Variants in MYO10 observed in about 807,000 individuals in gnomAD.
MYO10 encodes the protein unconventional myosin-X.
Under a neutral mutation model 257.3 loss-of-function variants are expected in MYO10, and 133 were observed. The observed-to-expected ratio is 0.52, with a 90% confidence interval of 0.45 to 0.60. The LOEUF (loss-of-function observed/expected upper bound fraction) is 0.60, where lower values mean the gene tolerates loss of function less well. MYO10 is among the 20% of genes least tolerant of loss of function. MYO10 has a pLI of 0.00. For synonymous variants in MYO10, 1,104 were observed against 1,028.6 expected (o/e 1.07, Z -1.40); for missense variants, 2,399 against 2,635.7 (o/e 0.91, Z 1.97).
At chr5:16,703,485 T>C (rs1159101881) in intron 22 of MYO10, among the ~76,000 whole-genome samples, 1 of 152,156 alleles carries the variant, frequency 6.6e-6, no homozygotes, top group Non-Finnish European at 1.5e-5. Context: ...CTCCTGTTCA[T>C]ATGAAAAAAA....
At chr5:16,833,312 C>A (rs986369910) in intron 2 of MYO10, among the ~76,000 whole-genome samples, 1 of 151,654 alleles carries the variant, frequency 6.6e-6, no homozygotes, top group Admixed American at 6.6e-5. Context: ...CTCCCAGGCT[C>A]AAATGATTCT....
At chr5:16,666,917 C>T (rs1736199964) in intron 40 of MYO10, 124 bp from the exon 41 acceptor site, 6 of 708,476 alleles carry the variant, frequency 8.5e-6, no homozygotes, top group South Asian at 5.7e-5. Context: ...CGACGGATCC[C>T]ATTTTGCAGG....
chr5:16,844,186 CA>C (rs1382942502), intron 2 of MYO10, among the ~76,000 whole-genome samples: 1 of 152,192 alleles, frequency 6.6e-6, no homozygotes, highest in African/African-American at 2.4e-5. Flanking sequence ...TCTCTCAAAT[CA>C]TATTACTAGA....
At chr5:16,771,533 ACTT>A in intron 9 of MYO10, among the ~76,000 whole-genome samples, 1 of 145,176 alleles carries the variant, frequency 6.9e-6, no homozygotes, top group South Asian at 2.2e-4. Flanking sequence ...AAATCTAGGA[ACTT>A]ACTATTATGA....
Position 16,663,053 on chromosome 5 carries a change from CTATA to C in MYO10, c.*3635_*3638del, listed in dbSNP as rs1736032642. On this transcript the variant is annotated 3_prime_UTR_variant, in exon 41 of 41. Transcript: ENST00000513610. The stretch of plus-strand genomic sequence containing the variant: ...TTTTTCCACAGAGCTATCTGAGGTA[CTATA>C]TAATCATCAAAAAGAATAAGGCAAT... The C allele has an allele frequency of 6.6e-6, 1 of 152,084 alleles. No homozygotes were observed. The highest frequency in any genetic ancestry group is 2.4e-5 in the African/African-American group (1 of 41,400). The allele number at this position is 152,084 out of a possible 1,614,324, so 9.4% of individuals were successfully genotyped here. A position where few individuals can be genotyped will look rare whatever the true frequency, so the allele number is the denominator to read the frequency against.
intron 1 of MYO10, among the ~76,000 whole-genome samples, chr5:16,894,586 T>C (rs937706722): frequency 2.0e-5 from 3 of 152,186 alleles, no homozygotes; most frequent in African/African-American, 7.2e-5. Context: ...TAATCAGAAA[T>C]GCTTCATGGA....
intron 19 of MYO10, among the ~76,000 whole-genome samples, chr5:16,745,870 C>T (rs533964133): frequency 6.6e-6 from 1 of 152,138 alleles, no homozygotes; most frequent in Admixed American, 6.5e-5. Flanking sequence ...TACATGCTCC[C>T]ATGTGGACAT....
Position 16,683,863 on chromosome 5 carries a change from G to C in MYO10, c.4046+17C>G, listed in dbSNP as rs1389157551. On this transcript the variant is annotated intron_variant, in intron 30 of 40. Transcript: ENST00000513610. ...AGGTGATGAGCTGTTTTTGTTAAGA[G>C]CCACATCTGAGCTTACCTATCAGGG... 1.2e-6 allele frequency: 2 copies of C among 1,613,278 alleles called. No homozygotes were observed. The highest frequency in any genetic ancestry group is 1.7e-6 in the Non-Finnish European group (2 of 1,179,546).
At chr5:16,738,123 G>A (rs902851718) in intron 19 of MYO10, 6 of 984,862 alleles carry the variant, frequency 6.1e-6, no homozygotes, top group Admixed American at 6.1e-5. Flanking sequence ...ATACACAGGG[G>A]AGAGGTACTC....
chr5:16,916,627 T>C (rs1453350099), intron 1 of MYO10: 1 of 152,368 alleles, frequency 6.6e-6, no homozygotes, highest in African/African-American at 2.4e-5. Context: ...CTTCCATTTA[T>C]TTTCAGCAAA....
intron 19 of MYO10, among the ~76,000 whole-genome samples, chr5:16,740,145 T>C (rs1739964654): frequency 6.6e-6 from 1 of 152,120 alleles, no homozygotes; most frequent in Non-Finnish European, 1.5e-5. Flanking sequence ...CCCTAACCTC[T>C]GGTCTCCAGT....
intron 1 of MYO10, among the ~76,000 whole-genome samples, chr5:16,925,557 G>A (rs1394782447): frequency 2.0e-5 from 3 of 152,080 alleles, no homozygotes; most frequent in Non-Finnish European, 4.4e-5. Flanking sequence ...GATTACAGGC[G>A]CCTGCTACCA....
intron 2 of MYO10, among the ~76,000 whole-genome samples, chr5:16,866,392 C>T (rs971265331): frequency 6.6e-6 from 1 of 152,130 alleles, no homozygotes; most frequent in South Asian, 2.1e-4. Flanking sequence ...GAGCCATGAA[C>T]AACAGATCAA....
At chr5:16,755,610 A>G (rs902405242) in intron 18 of MYO10, among the ~76,000 whole-genome samples, 1 of 152,186 alleles carries the variant, frequency 6.6e-6, no homozygotes, top group African/African-American at 2.4e-5. Flanking sequence ...TCGAAATGAC[A>G]GTCTATGCCA....
In MYO10 at chr5:16,689,898, G is replaced by C; in HGVS notation, c.3822C>G (p.Thr1274=). The change falls in exon 28 of 41, where the codon ACC becomes ACG. Residue 1274 remains threonine (T), a synonymous_variant. Coordinates refer to ENST00000513610, the MANE Select transcript of MYO10 (RefSeq NM_012334.3). ...RTAKEIIDNT[T]KENGIDIIMA... is the part of the protein sequence containing the mutation. ...TAATGATGTCGATCCCATTCTCCTTGGTGGTGTTATCTATGATCTCTCTGC... is the reference window on the plus strand; with the variant it reads ...TAATGATGTCGATCCCATTCTCCTTCGTGGTGTTATCTATGATCTCTCTGC... 6.2e-7 allele frequency: 1 copy of C among 1,613,248 alleles called. No individual in the cohort carries two copies. Among genetic ancestry groups the C allele is most frequent in the Non-Finnish European group, 8.5e-7 (1 of 1,179,452 alleles).
chr5:16,886,275 A>G (rs1011163808), intron 1 of MYO10, among the ~76,000 whole-genome samples: 2 of 152,214 alleles, frequency 1.3e-5, no homozygotes, highest in Non-Finnish European at 2.9e-5. Flanking sequence ...CTTGGTGAGC[A>G]CATAGTTGAT....
At chr5:16,905,333 C>A (rs1745492303) in intron 1 of MYO10, among the ~76,000 whole-genome samples, 1 of 152,198 alleles carries the variant, frequency 6.6e-6, no homozygotes. Context: ...GGACAACAAT[C>A]TCCCTCACCG....
Position 16,662,658 on chromosome 5 carries a change from G to C in MYO10, c.*4034C>G, listed in dbSNP as rs1280440339. ...TACAGAGAACTTAGGTGGTGATATG[G>C]TTTGGCTCTGTCCCCACCCAAATCT... On this transcript the variant is annotated 3_prime_UTR_variant, in exon 41 of 41. Coordinates refer to ENST00000513610, the MANE Select transcript of MYO10 (RefSeq NM_012334.3). The C allele has an allele frequency of 6.6e-6, 1 of 152,060 alleles. No homozygotes were observed. Among genetic ancestry groups the C allele is most frequent in the African/African-American group, 2.4e-5 (1 of 41,386 alleles). 9.4% of individuals were successfully genotyped at this position (152,060 alleles called of 1,614,324 possible).
intron 3 of MYO10, among the ~76,000 whole-genome samples, chr5:16,812,616 A>G (rs1185781107): frequency 6.6e-6 from 1 of 152,194 alleles, no homozygotes; most frequent in Non-Finnish European, 1.5e-5. Context: ...GCTAGGGATG[A>G]TGCTGTAAAC....
Sources: allele counts gnomAD v4.1 joint callset (sites outside exome capture counted in the v4.1 genomes callset), GRCh38; gene constraint gnomAD v4.1.1; transcripts MANE v1.5; gene names NCBI Gene and HGNC (gene_info 2026-07-23, HGNC 2026-07-21).